The following PCDHA10 variants were observed in gnomAD, a reference collection of about 807,000 sequenced individuals.
The protein encoded by PCDHA10 is protocadherin alpha-10.
A neutral mutation model predicts 61.2 loss-of-function variants in PCDHA10; 45 were observed. That is an observed-to-expected ratio of 0.74 (90% CI 0.58 to 0.94). The LOEUF is 0.94. Among genes scored for constraint, PCDHA10 ranks in the 40% least tolerant of loss-of-function variants. The pLI, the probability that PCDHA10 is intolerant of heterozygous loss-of-function variation, is 0.00. For synonymous variants in PCDHA10, 602 were observed against 548.8 expected, an observed-to-expected ratio of 1.10 and a Z score of -1.35; for missense variants, 1,278 against 1,236.2, an observed-to-expected ratio of 1.03 and a Z score of -0.51.
intron 1 of PCDHA10, among the ~76,000 whole-genome samples, chr5:140,890,952 G>C (rs555852578): frequency 1.9e-4 from 29 of 152,236 alleles, no homozygotes; most frequent in African/African-American, 7.0e-4. Context: ...GGTGAGGAAT[G>C]ATTTCAGGTT....
At chr5:140,968,877 T>A in intron 1 of PCDHA10, 1 of 1,614,226 alleles carries the variant, frequency 6.2e-7, no homozygotes, top group South Asian at 1.1e-5. Flanking sequence ...TACTCTGAAA[T>A]TACCCTTTAT....
intron 3 of PCDHA10, among the ~76,000 whole-genome samples, chr5:140,996,539 A>G (rs1023035245): frequency 2.6e-5 from 4 of 152,170 alleles, no homozygotes; most frequent in South Asian, 4.1e-4. Flanking sequence ...GTGTTTTGAT[A>G]TTATGCTGTC....
chr5:140,859,624 G>A (rs11749013), intron 1 of PCDHA10: 1 of 160,568 alleles, frequency 6.2e-6, no homozygotes, highest in Non-Finnish European at 1.4e-5. Flanking sequence ...TTCTCTTTGA[G>A]TATGGAGATT....
At chr5:140,875,242 T>A in intron 1 of PCDHA10, 1 of 943,028 alleles carries the variant, frequency 1.1e-6, no homozygotes, top group Non-Finnish European at 1.5e-6. Flanking sequence ...TGTACTTACA[T>A]AATCAGTCAC....
chr5:140,982,609 G>A, intron 3 of PCDHA10, 46 bp downstream of exon 3: 1 of 1,600,864 alleles, frequency 6.2e-7, no homozygotes, highest in East Asian at 2.2e-5. Context: ...TCTGGAAAGT[G>A]ATCAGATGAC....
chr5:140,858,664 A>G (rs972477672), intron 1 of PCDHA10: 1 of 728,612 alleles, frequency 1.4e-6, no homozygotes, highest in African/African-American at 1.8e-5. Flanking sequence ...TTTAAATAAC[A>G]ATTTATTCTG....
At chr5:140,957,852 AT>A (rs5871756) in intron 1 of PCDHA10, among the ~76,000 whole-genome samples, 2 of 151,658 alleles carry the variant, frequency 1.3e-5, no homozygotes, top group African/African-American at 2.4e-5. Context: ...GAGTTTGTGT[AT>A]TTTTTTTCCT....
chr5:140,897,970 G>A (rs561364842), intron 1 of PCDHA10, among the ~76,000 whole-genome samples: 10 of 152,210 alleles, frequency 6.6e-5, no homozygotes, highest in Admixed American at 2.6e-4. Context: ...TGTGTCTTTT[G>A]GCTGCATAAA....
chr5:141,001,381 A>G (rs1213919091), intron 3 of PCDHA10, among the ~76,000 whole-genome samples: 1 of 152,218 alleles, frequency 6.6e-6, no homozygotes, highest in Non-Finnish European at 1.5e-5. Context: ...TACAGAGCCT[A>G]AGATCCTACA....
At chr5:140,976,143 A>G (rs2096703250) in intron 1 of PCDHA10, among the ~76,000 whole-genome samples, 1 of 152,236 alleles carries the variant, frequency 6.6e-6, no homozygotes, top group South Asian at 2.1e-4. Flanking sequence ...GATGAAACTC[A>G]TGTACATTTT....
chr5:140,863,334 G>T (rs782071935), intron 1 of PCDHA10: 24 of 1,387,574 alleles, frequency 1.7e-5, no homozygotes, highest in South Asian at 5.7e-5. Flanking sequence ...TAGTGCTCAC[G>T]TTGCTGCTGT....
At chr5:140,873,403 GT>G (rs2054272319) in intron 1 of PCDHA10, among the ~76,000 whole-genome samples, 1 of 152,046 alleles carries the variant, frequency 6.6e-6, no homozygotes, top group South Asian at 2.1e-4. Flanking sequence ...TTCAGTACAG[GT>G]TAAAATTTTG....
intron 1 of PCDHA10, among the ~76,000 whole-genome samples, chr5:140,895,931 C>A (rs1365477787): frequency 5.3e-5 from 8 of 152,210 alleles, no homozygotes; most frequent in African/African-American, 1.9e-4. Flanking sequence ...CTGCCTCAGC[C>A]TCCCGAGTAG....
At chr5:140,886,155 T>A (rs528104847) in intron 1 of PCDHA10, among the ~76,000 whole-genome samples, 1 of 152,330 alleles carries the variant, frequency 6.6e-6, no homozygotes, top group South Asian at 2.1e-4. Flanking sequence ...CACCTTTTTA[T>A]AGCCACATCT....
chr5:140,870,880 G>A (rs782304708), intron 1 of PCDHA10: 1 of 1,613,948 alleles, frequency 6.2e-7, no homozygotes, highest in African/African-American at 1.3e-5. Flanking sequence ...GGTGGCGAAG[G>A]TGCGCGCAGT....
chr5:140,893,111 T>G (rs2063826181), intron 1 of PCDHA10, among the ~76,000 whole-genome samples: 1 of 152,236 alleles, frequency 6.6e-6, no homozygotes, highest in Non-Finnish European at 1.5e-5. Flanking sequence ...TATTCCGTTG[T>G]GCATATACAC....
intron 1 of PCDHA10, among the ~76,000 whole-genome samples, chr5:140,920,083 G>A (rs536573725): frequency 3.3e-5 from 5 of 152,260 alleles, no homozygotes; most frequent in East Asian, 1.9e-4. Flanking sequence ...CAGATTCTCC[G>A]TAGAGCCTCT....
At chr5:140,902,895 T>C (rs1554190698) in intron 1 of PCDHA10, among the ~76,000 whole-genome samples, 1 of 152,222 alleles carries the variant, frequency 6.6e-6, no homozygotes, top group Non-Finnish European at 1.5e-5. Flanking sequence ...TATTATTTTA[T>C]TTAGTTTATG....
chr5:140,866,758 A>T (rs1554160534), intron 1 of PCDHA10: 1 of 152,196 alleles, frequency 6.6e-6, no homozygotes, highest in Non-Finnish European at 1.5e-5. Flanking sequence ...CTAACAGGAC[A>T]TACAGGCAGA....
Sources: gnomAD v4.1 joint callset for allele counts (sites outside exome capture counted in the v4.1 genomes callset) on GRCh38, gnomAD v4.1.1 for gene constraint, MANE v1.5 for transcripts, NCBI Gene and HGNC (gene_info 2026-07-23, HGNC 2026-07-21) for gene names.